FUT8: variants seen among roughly 807,000 people sequenced by gnomAD.
FUT8 encodes alpha-(1,6)-fucosyltransferase.
Under a neutral mutation model 71.3 loss-of-function variants are expected in FUT8, and 29 were observed. The observed-to-expected ratio is 0.41, with a 90% CI of 0.30 to 0.55. FUT8 has a LOEUF of 0.55. Among genes scored for constraint, FUT8 ranks in the 20% least tolerant of loss-of-function variants. The pLI is 0.34. For synonymous variants in FUT8, 254 were observed against 239.3 expected (o/e 1.06, Z -0.57); for missense variants, 544 against 702.1 (o/e 0.77, Z 2.55).
chr14:65,369,590 A>G, the FUT8 span, among the ~76,000 whole-genome samples: 1 of 152,340 alleles, frequency 6.6e-6, no homozygotes, highest in Admixed American at 6.5e-5. This position sits in a 1 kb window ranked among gnomAD's most constrained non-coding sequence, Gnocchi z 4.6. Context: ...CAAGATGGTG[A>G]CAAAAGTGAC....
rs1407653282 is a variant in FUT8, at chr14:65,413,626, G to A, written c.-326+412G>A. 3.9e-5 allele frequency among the ~76,000 whole-genome samples: 6 copies of A among 152,202 alleles called. No individual in the cohort carries two copies. The highest frequency in any genetic ancestry group is 1.4e-4 in the African/African-American group (6 of 41,446). ...CAGCAGCTCGGTCCCTGGAGTCGCG[G>A]TTTGTGGGGAGGAAGATGCCCGTGC... is the stretch of plus-strand genomic sequence containing the variant. On this transcript the variant is annotated intron_variant, in intron 1 of 10. Transcript: ENST00000673929. This position sits in a 1 kb window ranked among gnomAD's most constrained non-coding sequence, Gnocchi z 4.1.
At chr14:65,620,202 T>C (rs1889528818) in intron 5 of FUT8, among the ~76,000 whole-genome samples, 1 of 152,198 alleles carries the variant, frequency 6.6e-6, no homozygotes, top group Non-Finnish European at 1.5e-5. Context: ...GTTCTGTTTA[T>C]GGTAATTTAT....
chr14:65,372,207 C>A, the FUT8 span, among the ~76,000 whole-genome samples: 1 of 152,166 alleles, frequency 6.6e-6, no homozygotes, highest in African/African-American at 2.4e-5. Flanking sequence ...ACCTCTGATG[C>A]CTTGTGCTGG....
the FUT8 span, among the ~76,000 whole-genome samples, chr14:65,370,835 A>G: frequency 2.0e-5 from 3 of 152,220 alleles, no homozygotes; most frequent in Non-Finnish European, 4.4e-5. Context: ...ATGAGCAGTG[A>G]TAAGTAACTC....
the FUT8 span, among the ~76,000 whole-genome samples, chr14:65,383,281 T>C: frequency 7.1e-6 from 1 of 140,336 alleles, no homozygotes; most frequent in African/African-American, 2.8e-5. Context: ...TTTTTTTTTT[T>C]TTTTTTTTTT....
At chr14:65,614,860 A>G (rs1889201277) in intron 3 of FUT8, among the ~76,000 whole-genome samples, 1 of 152,208 alleles carries the variant, frequency 6.6e-6, no homozygotes, top group Non-Finnish European at 1.5e-5. Context: ...TATCTTTGGG[A>G]GACCTTTGTT....
intron 2 of FUT8, among the ~76,000 whole-genome samples, chr14:65,505,475 G>T (rs954859212): frequency 1.3e-5 from 2 of 151,470 alleles, no homozygotes; most frequent in African/African-American, 4.9e-5. Context: ...ACCATGCCTG[G>T]CTAATTTTTT....
intron 3 of FUT8, among the ~76,000 whole-genome samples, chr14:65,591,450 A>G (rs570154947): frequency 6.6e-5 from 10 of 152,308 alleles, no homozygotes; most frequent in Admixed American, 3.3e-4. Context: ...AGGCAGCAAG[A>G]TAATATACAA....
intron 2 of FUT8, among the ~76,000 whole-genome samples, chr14:65,539,999 A>C (rs912864757): frequency 6.6e-6 from 1 of 152,250 alleles, no homozygotes; most frequent in Non-Finnish European, 1.5e-5. Flanking sequence ...AATCCTATCC[A>C]ATGATACTTC....
intron 7 of FUT8, 143 bp from the exon 8 acceptor site, chr14:65,721,632 G>T: frequency 1.2e-6 from 1 of 853,858 alleles, no homozygotes; most frequent in African/African-American, 1.7e-5. Context: ...TTTCGAGCAA[G>T]TTATTTAACT....
Position 65,657,677 on chromosome 14 carries a change from G to A in FUT8, c.598-11566G>A, listed in dbSNP as rs185542525. Among the ~76,000 whole-genome samples the A allele has an allele frequency of 2.8e-3, 432 of 152,232 alleles. 2 individuals are homozygous for A. Among genetic ancestry groups the A allele is most frequent in the African/African-American group, 9.9e-3 (411 of 41,550 alleles). ...TAGAATGATGGTTACCAAAGGCTGG[G>A]AAGGGTAGTTGTGGGGGCGGGTAAG... is the stretch of plus-strand genomic sequence containing the variant. On this transcript the variant is annotated intron_variant, in intron 6 of 10. Coordinates refer to ENST00000673929, the MANE Select transcript of FUT8 (RefSeq NM_001371533.1).
At chr14:65,594,850 C>T (rs1445183817) in intron 3 of FUT8, among the ~76,000 whole-genome samples, 16 of 152,088 alleles carry the variant, frequency 1.1e-4, no homozygotes, top group Non-Finnish European at 2.1e-4. Context: ...TCTCCTCTGC[C>T]GGCTGAGTCT....
At chr14:65,441,743 T>G (rs201089965) in intron 1 of FUT8, among the ~76,000 whole-genome samples, 2 of 110,200 alleles carry the variant, frequency 1.8e-5, no homozygotes, top group Non-Finnish European at 3.6e-5. Context: ...CAGAGTGAGA[T>G]TCCATCTCAA....
chr14:65,592,972 G>A (rs143734219), intron 3 of FUT8, among the ~76,000 whole-genome samples: 10 of 152,166 alleles, frequency 6.6e-5, no homozygotes, highest in Admixed American at 2.6e-4. Context: ...GTATGGTTTT[G>A]GTAATCTGGT....
intron 6 of FUT8, among the ~76,000 whole-genome samples, chr14:65,659,666 C>A (rs1190881454): frequency 6.6e-6 from 1 of 151,962 alleles, no homozygotes; most frequent in Non-Finnish European, 1.5e-5. Flanking sequence ...ACTCCTTTTC[C>A]CTTTCCACCC....
At chr14:65,622,921 T>TTG (rs1249545420) in intron 5 of FUT8, among the ~76,000 whole-genome samples, 1 of 150,728 alleles carries the variant, frequency 6.6e-6, no homozygotes, top group Non-Finnish European at 1.5e-5. Context: ...TTTTTTTTTT[T>TTG]TTTTTTGAGG....
chr14:65,561,179 A>G (rs571921652), intron 2 of FUT8, among the ~76,000 whole-genome samples, 158 bp from the exon 3 acceptor site: 1 of 152,282 alleles, frequency 6.6e-6, no homozygotes, highest in African/African-American at 2.4e-5. Flanking sequence ...ATACAGATTA[A>G]CAGATTTAAA....
intron 3 of FUT8, among the ~76,000 whole-genome samples, chr14:65,590,978 A>G (rs1003139957): frequency 6.6e-6 from 1 of 152,184 alleles, no homozygotes; most frequent in Non-Finnish European, 1.5e-5. Flanking sequence ...TATGGCCTTC[A>G]GTTTGTGTTC....
chr14:65,726,954 G>A (rs1178095873), intron 9 of FUT8, among the ~76,000 whole-genome samples: 1 of 152,160 alleles, frequency 6.6e-6, no homozygotes, highest in Non-Finnish European at 1.5e-5. Flanking sequence ...ATGCAAGTCC[G>A]AAATCCAGTG....
Sources: allele counts gnomAD v4.1 joint callset (sites outside exome capture counted in the v4.1 genomes callset), GRCh38; gene constraint gnomAD v4.1.1; non-coding constraint Gnocchi (gnomAD v3.1); transcripts MANE v1.5; gene names NCBI Gene and HGNC (gene_info 2026-07-23, HGNC 2026-07-21).